Variants in LCMT1 observed in about 807,000 individuals in gnomAD.
LCMT1 encodes the protein [Phosphatase 2A protein]-leucine-carboxy methyltransferase 1.
A neutral mutation model predicts 47.7 loss-of-function variants in LCMT1; 32 were observed. The ratio of observed to expected loss-of-function variants is 0.67; its 90% CI spans 0.51 to 0.90. The LOEUF is 0.90. Ranked by LOEUF, LCMT1 falls within the 40% of genes least tolerant of loss-of-function variation. The pLI is 0.00. For synonymous variants in LCMT1, 152 were observed against 149.7 expected (o/e 1.02, Z -0.11); for missense variants, 375 against 415.2 (o/e 0.90, Z 0.84).
intron 6 of LCMT1, among the ~76,000 whole-genome samples, chr16:25,164,274 T>C (rs1464078722): frequency 6.6e-6 from 1 of 152,076 alleles, no homozygotes; most frequent in Non-Finnish European, 1.5e-5. Flanking sequence ...ACCTCTCAAA[T>C]GGGGGAAGCT....
At chr16:25,130,834 A>T (rs1216507987) in intron 2 of LCMT1, among the ~76,000 whole-genome samples, 1 of 152,152 alleles carries the variant, frequency 6.6e-6, no homozygotes, top group Middle Eastern at 3.2e-3. Context: ...CTGTATCTGG[A>T]TGTGCATGTG....
At chr16:25,139,425 G>A (rs117085412) in intron 3 of LCMT1, among the ~76,000 whole-genome samples, 2,925 of 151,976 alleles carry the variant, frequency 0.019, 52 homozygotes, top group Non-Finnish European at 0.03. Context: ...CAGGAGAATC[G>A]CTTGAACCCG....
chr16:25,154,489 CT>C lies in LCMT1; in HGVS notation c.466+2893del, dbSNP rs748304475. ...ACGCTTCATAACACATGGATGTGTT[CT>C]TTTTTTTTTTTTTTTTTTGAGAGTC... is the stretch of plus-strand genomic sequence containing the variant. On this transcript the variant is annotated intron_variant, in intron 5 of 10. Coordinates refer to ENST00000399069, the MANE Select transcript of LCMT1 (RefSeq NM_016309.3). 9.2e-3 allele frequency among the ~76,000 whole-genome samples: 1,142 copies of C among 123,714 alleles called. 4 individuals are homozygous for C. Among genetic ancestry groups the C allele is most frequent in the African/African-American group, 0.027 (896 of 32,824 alleles). 81.2% of individuals were successfully genotyped at this position (123,714 alleles called of 152,430 possible). A position where few individuals can be genotyped will look rare whatever the true frequency, so the allele number is the denominator to read the frequency against.
At chr16:25,124,177 C>T (rs1272721495) in intron 1 of LCMT1, among the ~76,000 whole-genome samples, 5 of 152,184 alleles carry the variant, frequency 3.3e-5, no homozygotes, top group Admixed American at 3.3e-4. Flanking sequence ...AAACTCTACA[C>T]AGTAGACCTG....
At chr16:25,158,246 G>A (rs1291128101) in intron 5 of LCMT1, among the ~76,000 whole-genome samples, 1 of 152,194 alleles carries the variant, frequency 6.6e-6, no homozygotes, top group Non-Finnish European at 1.5e-5. Flanking sequence ...CCGCCTCCTG[G>A]GTTCAAGCAA....
intron 1 of LCMT1, among the ~76,000 whole-genome samples, chr16:25,122,909 C>T (rs923705031): frequency 1.5e-4 from 23 of 152,240 alleles, no homozygotes; most frequent in Non-Finnish European, 4.4e-5. Context: ...CCTCAGTCTC[C>T]TGTGTAGCTG....
intron 1 of LCMT1, among the ~76,000 whole-genome samples, chr16:25,115,677 C>A (rs981540300): frequency 6.6e-6 from 1 of 152,082 alleles, no homozygotes; most frequent in African/African-American, 2.4e-5. Context: ...CCCCCAGAAA[C>A]TTTGTTTGTT....
intron 3 of LCMT1, among the ~76,000 whole-genome samples, chr16:25,135,048 G>A (rs765206777): frequency 5.3e-5 from 8 of 152,060 alleles, no homozygotes; most frequent in Admixed American, 3.3e-4. Context: ...GACTTGTCAC[G>A]CAATTTGTTT....
intron 6 of LCMT1, among the ~76,000 whole-genome samples, chr16:25,161,908 C>G (rs139956710): frequency 1.8e-4 from 28 of 152,024 alleles, no homozygotes; most frequent in African/African-American, 5.8e-4. Context: ...AGGTATTGGG[C>G]ATCAGTGATA....
At chr16:25,170,590 A>T in intron 8 of LCMT1, 124 bp from the exon 9 acceptor site, 3 of 723,244 alleles carry the variant, frequency 4.1e-6, no homozygotes, top group Non-Finnish European at 7.1e-6. Flanking sequence ...TGATCACACC[A>T]CTGCACTTCA....
intron 7 of LCMT1, among the ~76,000 whole-genome samples, chr16:25,165,448 C>A (rs987504505): frequency 2.6e-5 from 4 of 152,010 alleles, no homozygotes; most frequent in African/African-American, 9.7e-5. Context: ...TGGAGTTGGG[C>A]GTTCCTGCTG....
chr16:25,137,569 C>T (rs1040144523), intron 3 of LCMT1, among the ~76,000 whole-genome samples: 1 of 152,040 alleles, frequency 6.6e-6, no homozygotes. Context: ...CTCAGCCTTC[C>T]AAGTAGCTGG....
intron 5 of LCMT1, 126 bp from the exon 6 acceptor site, chr16:25,160,976 C>T: frequency 5.2e-6 from 3 of 574,302 alleles, no homozygotes; most frequent in Admixed American, 7.6e-5. Context: ...TTTTTACCCT[C>T]CTCTTACGTA....
chr16:25,172,758 A>G lies in LCMT1; in HGVS notation c.884+1953A>G, dbSNP rs928677468. 5.9e-5 allele frequency among the ~76,000 whole-genome samples: 9 copies of G among 152,372 alleles called. No homozygotes were observed. The East Asian group carries it at 7.7e-4, about 13-fold the overall frequency. The stretch of plus-strand genomic sequence containing the variant: ...GTGCTGTCTCCACGTGATCAGGTCA[A>G]TGCTTCCTGGATTCTTCCAGAAGCA... On this transcript the variant is annotated intron_variant, in intron 9 of 10. Transcript: ENST00000399069.
intron 9 of LCMT1, among the ~76,000 whole-genome samples, chr16:25,174,340 T>C (rs1007495600): frequency 6.6e-6 from 1 of 151,262 alleles, no homozygotes; most frequent in East Asian, 1.9e-4. Context: ...ACTGGTCTAC[T>C]ACCTTCTCTC....
intron 3 of LCMT1, among the ~76,000 whole-genome samples, chr16:25,135,740 C>T (rs1182878500): frequency 6.6e-6 from 1 of 152,080 alleles, no homozygotes; most frequent in African/African-American, 2.4e-5. Flanking sequence ...GTTAAAGACT[C>T]CCATCTGCTG....
chr16:25,122,422 C>T (rs1182600199), intron 1 of LCMT1, among the ~76,000 whole-genome samples: 2 of 152,216 alleles, frequency 1.3e-5, no homozygotes, highest in Admixed American at 6.5e-5. Flanking sequence ...GATCCTCCCA[C>T]CTCACCCTCC....
intron 1 of LCMT1, among the ~76,000 whole-genome samples, chr16:25,113,030 A>G (rs941808784): frequency 6.6e-6 from 1 of 151,306 alleles, no homozygotes; most frequent in African/African-American, 2.4e-5. Flanking sequence ...AATCCCAGCT[A>G]CTCGGGAGGC....
intron 1 of LCMT1, 45 bp downstream of exon 1, chr16:25,112,041 G>T (rs1329793026): frequency 1.5e-6 from 2 of 1,329,448 alleles, no homozygotes; most frequent in South Asian, 2.4e-5. Flanking sequence ...TGGGGCGCGG[G>T]CCTAGGTGGG....
Sources: gnomAD v4.1 joint callset for allele counts (sites outside exome capture counted in the v4.1 genomes callset) on GRCh38, gnomAD v4.1.1 for gene constraint, MANE v1.5 for transcripts, NCBI Gene and HGNC (gene_info 2026-07-23, HGNC 2026-07-21) for gene names.